The following ADARB2 variants were observed in gnomAD, a reference collection of about 807,000 sequenced individuals.
The protein encoded by ADARB2 is inactive double-stranded RNA-specific editase B2.
ADARB2 carries 25 observed loss-of-function variants against 62.2 expected under a neutral mutation model. That is an observed-to-expected ratio of 0.40 (90% confidence interval 0.29 to 0.56). The LOEUF is 0.56. ADARB2 is among the 20% of genes least tolerant of loss of function. The pLI is 0.43. For synonymous variants in ADARB2, 572 were observed against 500.8 expected (o/e 1.14, Z -1.90); for missense variants, 1,071 against 1,077.4 (o/e 0.99, Z 0.08).
intron 1 of ADARB2, among the ~76,000 whole-genome samples, chr10:1,383,692 G>A (rs1168386512): frequency 3.3e-5 from 5 of 152,228 alleles, no homozygotes; most frequent in African/African-American, 9.6e-5. Flanking sequence ...ACTGGGACAC[G>A]TCTTAGCTTT....
chr10:1,499,694 T>A (rs373601147), intron 1 of ADARB2, among the ~76,000 whole-genome samples: 8 of 151,992 alleles, frequency 5.3e-5, no homozygotes, highest in African/African-American at 1.7e-4. Context: ...CATTCACTCA[T>A]TACTCACTCA....
chr10:1,593,752 G>GGGCA (rs1215905980), intron 1 of ADARB2, among the ~76,000 whole-genome samples: 1 of 152,154 alleles, frequency 6.6e-6, no homozygotes, highest in Non-Finnish European at 1.5e-5. Flanking sequence ...GGTTGATGAT[G>GGGCA]GGCAACTTTT....
chr10:1,250,216 A>G (rs1181035975), intron 4 of ADARB2, among the ~76,000 whole-genome samples: 1 of 151,650 alleles, frequency 6.6e-6, no homozygotes, highest in Non-Finnish European at 1.5e-5. Flanking sequence ...AAAAAGTATA[A>G]TTTTGTTTTG....
In ADARB2 at chr10:1,477,443, T is replaced by G. The variant is rs568213759; in HGVS notation, c.101-98283A>C. On this transcript the variant is annotated intron_variant, in intron 1 of 9. Transcript: ENST00000381312. This position sits in a 1 kb window ranked among gnomAD's most constrained non-coding sequence, Gnocchi z 4.5. Reference sequence around the variant, plus strand: ...CAGCTTCCTTCCAGCCCTGCTTCTTTGCAGACGGCCCCTTTTCTGCTGTGC... The same window carrying G: ...CAGCTTCCTTCCAGCCCTGCTTCTTGGCAGACGGCCCCTTTTCTGCTGTGC... Among the ~76,000 whole-genome samples, 2 of 152,160 alleles carry G rather than the reference T, an allele frequency of 1.3e-5. No homozygotes were observed. Among genetic ancestry groups the G allele is most frequent in the African/African-American group, 4.8e-5 (2 of 41,448 alleles).
intron 3 of ADARB2, among the ~76,000 whole-genome samples, chr10:1,295,934 T>C (rs1003193155): frequency 1.3e-5 from 2 of 152,168 alleles, no homozygotes; most frequent in Middle Eastern, 3.2e-3. Context: ...AACGGCTCAG[T>C]CAGCAAGCAT....
chr10:1,362,974 C>T, intron 3 of ADARB2, 54 bp downstream of exon 3: 8 of 1,269,058 alleles, frequency 6.3e-6, no homozygotes, highest in Non-Finnish European at 8.0e-6. Context: ...AGGTCGGGGT[C>T]TCCCCCGCGC....
chr10:1,608,912 A>G (rs900134902), intron 1 of ADARB2, among the ~76,000 whole-genome samples: 2 of 152,140 alleles, frequency 1.3e-5, no homozygotes, highest in African/African-American at 4.8e-5. Context: ...GAGCCCCTGC[A>G]GGGTGCCGGA....
chr10:1,361,553 A>G (rs1355323399), intron 3 of ADARB2: 1 of 152,136 alleles, frequency 6.6e-6, no homozygotes, highest in Non-Finnish European at 1.5e-5. Context: ...TGGCTTCCCG[A>G]GAGGCAGAAG....
chr10:1,630,604 A>G (rs1440783776), intron 1 of ADARB2, among the ~76,000 whole-genome samples: 1 of 152,198 alleles, frequency 6.6e-6, no homozygotes, highest in African/African-American at 2.4e-5. Context: ...AGTTTCAGGC[A>G]GAGAAATGGC....
At chr10:1,314,567 C>G (rs1831720502) in intron 3 of ADARB2, among the ~76,000 whole-genome samples, 3 of 152,216 alleles carry the variant, frequency 2.0e-5, no homozygotes, top group Non-Finnish European at 4.4e-5. Flanking sequence ...CACACTTGCC[C>G]TGGCCTTCCG....
chr10:1,531,350 A>G (rs1321349122), intron 1 of ADARB2, among the ~76,000 whole-genome samples: 4 of 152,212 alleles, frequency 2.6e-5, no homozygotes, highest in Non-Finnish European at 5.9e-5. Flanking sequence ...CCTTCGCGAG[A>G]GGCATGGCCA....
At chr10:1,307,381 T>C (rs1299009804) in intron 3 of ADARB2, among the ~76,000 whole-genome samples, 49 of 141,100 alleles carry the variant, frequency 3.5e-4, no homozygotes, top group Admixed American at 4.5e-4. Context: ...CACAATGAGA[T>C]ACCATCTCAC....
intron 1 of ADARB2, among the ~76,000 whole-genome samples, chr10:1,562,533 A>T (rs1364754525): frequency 6.6e-6 from 1 of 152,256 alleles, no homozygotes; most frequent in African/African-American, 2.4e-5. Flanking sequence ...GAACTGGCTC[A>T]GTACATGCCA....
chr10:1,330,771 G>A (rs1405568500), intron 3 of ADARB2, among the ~76,000 whole-genome samples: 2 of 152,288 alleles, frequency 1.3e-5, no homozygotes, highest in Non-Finnish European at 2.9e-5. Context: ...GAATAAAAAA[G>A]TTTGGTACTT....
chr10:1,419,096 C>CT lies in ADARB2; in HGVS notation c.101-39937dup, dbSNP rs1244272919. 4.9e-5 allele frequency among the ~76,000 whole-genome samples: 6 copies of CT among 121,426 alleles called. No individual in the cohort carries two copies. The South Asian group carries it at 7.2e-4, about 15-fold the overall frequency. The allele number at this position is 121,426 out of a possible 152,430, so 79.7% of individuals were successfully genotyped here. ...TACACAAAAATGTACAGTGATGTGT[C>CT]TTTTTTTTCTTTTTGAGACAGAGTT... On this transcript the variant is annotated intron_variant, in intron 1 of 9. Coordinates refer to ENST00000381312, the MANE Select transcript of ADARB2 (RefSeq NM_018702.4).
intron 4 of ADARB2, among the ~76,000 whole-genome samples, chr10:1,262,646 G>T (rs1831153070): frequency 6.6e-6 from 1 of 152,154 alleles, no homozygotes; most frequent in South Asian, 2.1e-4. Context: ...TGCTGGAGAG[G>T]ATGTGGAGAA....
At chr10:1,529,873 G>A (rs1832201759) in intron 1 of ADARB2, among the ~76,000 whole-genome samples, 1 of 152,122 alleles carries the variant, frequency 6.6e-6, no homozygotes, top group African/African-American at 2.4e-5. Flanking sequence ...TGTGACTGCG[G>A]GCACACGTCC....
intron 1 of ADARB2, among the ~76,000 whole-genome samples, chr10:1,585,247 C>T (rs1833159963): frequency 6.6e-6 from 1 of 152,088 alleles, no homozygotes; most frequent in Admixed American, 6.5e-5. Context: ...GTACTCACCA[C>T]TCAATTATGC....
intron 1 of ADARB2, among the ~76,000 whole-genome samples, chr10:1,458,687 A>C (rs1831128794): frequency 6.6e-6 from 1 of 152,150 alleles, no homozygotes; most frequent in Non-Finnish European, 1.5e-5. Flanking sequence ...GGAGCTAAAA[A>C]TCAATTAGTT....
Sources: gnomAD v4.1 joint callset for allele counts (sites outside exome capture counted in the v4.1 genomes callset) on GRCh38, gnomAD v4.1.1 for gene constraint, Gnocchi (gnomAD v3.1) non-coding constraint, MANE v1.5 for transcripts, NCBI Gene and HGNC (gene_info 2026-07-23, HGNC 2026-07-21) for gene names.